COBL: variants seen among roughly 807,000 people sequenced by gnomAD.
COBL encodes cordon-bleu WH2 repeat protein.
A neutral mutation model predicts 98.8 loss-of-function variants in COBL; 51 were observed. That is an observed-to-expected ratio of 0.52 (90% CI 0.41 to 0.65). COBL has a LOEUF of 0.65. Ranked by LOEUF, COBL falls within the 30% of genes least tolerant of loss-of-function variation. The pLI is 0.00. For missense variants in COBL, 1,617 were observed against 1,617.5 expected, an observed-to-expected ratio of 1.00 and a Z score of 0.01; for synonymous variants, 634 against 651.7, an observed-to-expected ratio of 0.97 and a Z score of 0.41.
At chr7:51,040,869 A>C (rs576876955) in intron 8 of COBL, among the ~76,000 whole-genome samples, 304 of 152,362 alleles carry the variant, frequency 2.0e-3, no homozygotes, top group Non-Finnish European at 3.1e-3. Context: ...GATAGAAATC[A>C]GCAAGATTTT....
chr7:51,046,644 T>C (rs1261185689), intron 7 of COBL, among the ~76,000 whole-genome samples: 3 of 152,108 alleles, frequency 2.0e-5, no homozygotes, highest in Admixed American at 6.6e-5. Flanking sequence ...TCTTCATCAA[T>C]GCTAAACGGA....
At chr7:51,046,155 G>A (rs139014334) in intron 7 of COBL, among the ~76,000 whole-genome samples, 94 of 152,318 alleles carry the variant, frequency 6.2e-4, no homozygotes, top group African/African-American at 2.2e-3. Context: ...GCTGGGAGGA[G>A]AGGGAACATG....
intron 1 of COBL, among the ~76,000 whole-genome samples, chr7:51,233,295 TCA>T (rs1173230117): frequency 6.6e-6 from 1 of 152,094 alleles, no homozygotes; most frequent in Admixed American, 6.5e-5. Flanking sequence ...TGGATTCAAC[TCA>T]CAGAGCCAGC....
At chr7:51,292,377 A>T (rs544204692) in intron 1 of COBL, among the ~76,000 whole-genome samples, 1 of 152,310 alleles carries the variant, frequency 6.6e-6, no homozygotes, top group South Asian at 2.1e-4. Flanking sequence ...ATCCATTCCA[A>T]GAGTATTATG....
chr7:51,020,485 A>G (rs1482086082), intron 12 of COBL, among the ~76,000 whole-genome samples: 2 of 152,252 alleles, frequency 1.3e-5, no homozygotes, highest in Non-Finnish European at 2.9e-5. Context: ...AAATGCTTGT[A>G]GAATGAAGCA....
rs1408641065 is a variant in COBL at position 51,187,329 on chromosome 7, T to TACACACAC, written c.686-3131_686-3130insGTGTGTGT. On this transcript the variant is annotated intron_variant, in intron 4 of 12. Transcript: ENST00000265136. ...GTTTAAGTATATATATATATATATA[T>TACACACAC]ATACACACACACACACACACACACA... Among the ~76,000 whole-genome samples the TACACACAC allele has an allele frequency of 4.6e-3, 662 of 142,392 alleles. 7 individuals carry two copies. The highest frequency in any genetic ancestry group is 0.018 in the African/African-American group (641 of 36,600). 93.4% of individuals were successfully genotyped at this position (142,392 alleles called of 152,430 possible).
intron 2 of COBL, among the ~76,000 whole-genome samples, chr7:51,205,461 T>C (rs1206293798): frequency 6.6e-6 from 1 of 151,274 alleles, no homozygotes; most frequent in African/African-American, 2.4e-5. Flanking sequence ...TGAATATCCA[T>C]ATGCAGAAAA....
At chr7:51,174,842 C>T (rs1788216617) in intron 5 of COBL, among the ~76,000 whole-genome samples, 1 of 152,212 alleles carries the variant, frequency 6.6e-6, no homozygotes, top group Admixed American at 6.5e-5. Context: ...GTGAGGCTCA[C>T]CTTTTGCCCA....
rs1165201754 is a variant in COBL, at chr7:51,219,090, T to C, written c.245+651A>G. Among the ~76,000 whole-genome samples the C allele has an allele frequency of 3.3e-5, 5 of 152,224 alleles. No homozygotes were observed. The East Asian group carries it at 5.8e-4, about 18-fold the overall frequency. ...TATTGGTCACAAACTCAAAATGCTATGATGAAGGAGACTTTGCCAATGTTT... is the reference window on the plus strand; with the variant it reads ...TATTGGTCACAAACTCAAAATGCTACGATGAAGGAGACTTTGCCAATGTTT... On this transcript the variant is annotated intron_variant, in intron 2 of 12. Coordinates refer to ENST00000265136, the MANE Select transcript of COBL (RefSeq NM_015198.5).
At chr7:51,215,055 G>A (rs933981826) in intron 2 of COBL, among the ~76,000 whole-genome samples, 2 of 152,028 alleles carry the variant, frequency 1.3e-5, no homozygotes, top group African/African-American at 4.8e-5. Context: ...CCTCACGAAA[G>A]TTAGCAATAA....
intron 7 of COBL, among the ~76,000 whole-genome samples, chr7:51,084,092 C>T (rs1370884033): frequency 6.6e-6 from 1 of 152,124 alleles, no homozygotes; most frequent in African/African-American, 2.4e-5. Context: ...GATGAGCTGA[C>T]ATGGAATACA....
At chr7:51,044,217 A>G (rs775700650) in intron 7 of COBL, among the ~76,000 whole-genome samples, 1 of 152,176 alleles carries the variant, frequency 6.6e-6, no homozygotes, top group Non-Finnish European at 1.5e-5. Context: ...TAATTTTTAC[A>G]TGTGAGGCCA....
chr7:51,133,315 G>A (rs1285113713), intron 6 of COBL, among the ~76,000 whole-genome samples: 1 of 152,176 alleles, frequency 6.6e-6, no homozygotes, highest in Non-Finnish European at 1.5e-5. Context: ...ATGGAAAACT[G>A]CATATAATTA....
chr7:51,310,878 G>A (rs188304691), intron 1 of COBL, among the ~76,000 whole-genome samples: 1 of 151,994 alleles, frequency 6.6e-6, no homozygotes, highest in South Asian at 2.1e-4. Context: ...GGATGGTCTC[G>A]ATCTCTTGAC....
At chr7:51,275,820 C>T (rs1050498618) in intron 1 of COBL, among the ~76,000 whole-genome samples, 1 of 152,220 alleles carries the variant, frequency 6.6e-6, no homozygotes, top group Non-Finnish European at 1.5e-5. Flanking sequence ...TGTCTCCATG[C>T]TGATTGATGA....
At chr7:51,257,070 C>G (rs1797257811) in intron 1 of COBL, among the ~76,000 whole-genome samples, 1 of 152,126 alleles carries the variant, frequency 6.6e-6, no homozygotes, top group South Asian at 2.1e-4. Flanking sequence ...TCCAGAGTAG[C>G]AAGATGAGGC....
chr7:51,279,279 C>T (rs1375065697), intron 1 of COBL, among the ~76,000 whole-genome samples: 2 of 152,224 alleles, frequency 1.3e-5, no homozygotes, highest in East Asian at 1.9e-4. Context: ...TTAAGAGAGC[C>T]ATGACTAACT....
intron 1 of COBL, among the ~76,000 whole-genome samples, chr7:51,308,924 G>A (rs80062337): frequency 0.012 from 1,794 of 152,286 alleles, 36 homozygotes; most frequent in African/African-American, 0.041. Context: ...CCTCCCCTTA[G>A]ATGTCTGGAA....
chr7:51,295,102 C>T (rs1396036651), intron 1 of COBL, among the ~76,000 whole-genome samples: 2 of 151,942 alleles, frequency 1.3e-5, no homozygotes, highest in Middle Eastern at 3.2e-3. Context: ...GCCTGGCCAA[C>T]GTGTTGAAAC....
Sources: allele counts gnomAD v4.1 joint callset (sites outside exome capture counted in the v4.1 genomes callset), GRCh38; gene constraint gnomAD v4.1.1; transcripts MANE v1.5; gene names NCBI Gene and HGNC (gene_info 2026-07-23, HGNC 2026-07-21).